CTSO: variants seen among roughly 807,000 people sequenced by gnomAD.
CTSO encodes cathepsin O.
CTSO carries 40 observed loss-of-function variants against 42.4 expected under a neutral mutation model. The observed-to-expected ratio is 0.94, with a 90% CI of 0.73 to 1.23. The LOEUF is 1.23. Among genes scored for constraint, CTSO ranks in the 50% most tolerant of loss-of-function variants. The pLI, the probability that CTSO is intolerant of heterozygous loss-of-function variation, is 0.00. For missense variants in CTSO, 441 were observed against 396.0 expected (o/e 1.11, Z -0.96); for synonymous variants, 156 against 146.2 (o/e 1.07, Z -0.48).
intron 7 of CTSO, among the ~76,000 whole-genome samples, chr4:155,927,454 T>C (rs1167540993): frequency 6.6e-6 from 1 of 152,134 alleles, no homozygotes; most frequent in Admixed American, 6.6e-5. Context: ...CTATTTTAGT[T>C]TGGTTGGTGG....
At chr4:155,928,214 C>A in intron 7 of CTSO, 122 bp downstream of exon 7, 2 of 522,390 alleles carry the variant, frequency 3.8e-6, no homozygotes, top group Non-Finnish European at 3.1e-6. Context: ...TTTTTTTTAT[C>A]ATTTGGTTAA....
At chr4:155,932,148 G>A (rs909147242) in intron 5 of CTSO, among the ~76,000 whole-genome samples, 1 of 152,098 alleles carries the variant, frequency 6.6e-6, no homozygotes, top group South Asian at 2.1e-4. Context: ...AGAACCCTGG[G>A]TGGGAATGGT....
intron 1 of CTSO, among the ~76,000 whole-genome samples, chr4:155,948,182 A>C (rs1322624746): frequency 6.6e-6 from 1 of 152,200 alleles, no homozygotes. Context: ...TATCCTGATT[A>C]TAAAACTAGG....
At chr4:155,933,118 G>A (rs1269458123) in intron 5 of CTSO, among the ~76,000 whole-genome samples, 2 of 152,034 alleles carry the variant, frequency 1.3e-5, no homozygotes, top group Non-Finnish European at 2.9e-5. Flanking sequence ...CCCCATCCAA[G>A]TCTCAAATTG....
chr4:155,929,012 G>A (rs903936680), intron 6 of CTSO, among the ~76,000 whole-genome samples: 3 of 152,178 alleles, frequency 2.0e-5, no homozygotes, highest in Non-Finnish European at 4.4e-5. Flanking sequence ...ACCGGAATTA[G>A]GGCAAGGAAC....
chr4:155,949,919 A>G (rs1743616399), intron 1 of CTSO, among the ~76,000 whole-genome samples: 1 of 152,202 alleles, frequency 6.6e-6, no homozygotes, highest in Non-Finnish European at 1.5e-5. Context: ...ATGAAGAGGA[A>G]GGTCCCCCAC....
At position 155,942,456 on chromosome 4, in the gene CTSO, G is replaced by A; in HGVS notation, c.245C>T (p.Ala82Val). ...FSYLFPEEFK[A>V]IYLRSKPSKF... The stretch of plus-strand genomic sequence containing the variant: ...GGAAGGTTTGCTTCTTAAATAAATG[G>A]CTGAGTAGAAACATAAAATGAAAAT... Residue 82 changes from alanine to valine, a missense_variant and splice_region_variant, in exon 3 of 8, where the codon GCC (alanine) becomes GTC (valine). Coordinates refer to ENST00000433477, the MANE Select transcript of CTSO (RefSeq NM_001334.3). 6.7e-7 allele frequency: 1 copy of A among 1,502,164 alleles called. No individual in the cohort carries two copies. Among genetic ancestry groups the A allele is most frequent in the Non-Finnish European group, 8.9e-7 (1 of 1,123,450 alleles). 93.1% of individuals were successfully genotyped at this position (1,502,164 alleles called of 1,614,324 possible).
chr4:155,949,222 T>C (rs946855013), intron 1 of CTSO, among the ~76,000 whole-genome samples: 4 of 152,352 alleles, frequency 2.6e-5, no homozygotes, highest in African/African-American at 4.8e-5. Context: ...GAGAAACAGA[T>C]ACATGATTTG....
chr4:155,938,742 T>C (rs1411471640), intron 4 of CTSO, among the ~76,000 whole-genome samples: 2 of 152,022 alleles, frequency 1.3e-5, no homozygotes, highest in Admixed American at 6.6e-5. Flanking sequence ...CTGGCCAATA[T>C]GGTGAAACCA....
In CTSO at chr4:155,933,259, C is replaced by A. The variant is rs189677569; in HGVS notation, c.675-3554G>T. On this transcript the variant is annotated intron_variant, in intron 5 of 7. Transcript: ENST00000433477. ...GTCTCATGAGATCTGATGATTTTAT[C>A]AGGGGTTTCCACTTCTCCTTCTTCC... Among the ~76,000 whole-genome samples, 23 of 152,222 alleles carry A rather than the reference C, an allele frequency of 1.5e-4. No homozygotes were observed. In the East Asian group the frequency reaches 3.3e-3, roughly 22 times the overall value.
At chr4:155,934,524 A>G (rs1743295503) in intron 5 of CTSO, among the ~76,000 whole-genome samples, 1 of 152,200 alleles carries the variant, frequency 6.6e-6, no homozygotes, top group Non-Finnish European at 1.5e-5. Flanking sequence ...ACAGACACTC[A>G]ATGCCAGACC....
intron 4 of CTSO, 90 bp from the exon 5 acceptor site, chr4:155,937,573 T>A (rs1035622333): frequency 7.1e-6 from 8 of 1,134,682 alleles, no homozygotes; most frequent in Non-Finnish European, 1.0e-5. Context: ...CAGGTTCAAT[T>A]TCACACACCT....
At chr4:155,928,998 G>C (rs1384804568) in intron 6 of CTSO, among the ~76,000 whole-genome samples, 1 of 152,134 alleles carries the variant, frequency 6.6e-6, no homozygotes, top group East Asian at 1.9e-4. Context: ...AAGGTTGTGG[G>C]TTTACCGGAA....
chr4:155,948,994 C>T (rs1178917555), intron 1 of CTSO, among the ~76,000 whole-genome samples: 1 of 152,196 alleles, frequency 6.6e-6, no homozygotes, highest in Non-Finnish European at 1.5e-5. Context: ...ATGTACTCAA[C>T]TGTTTCTAAA....
At chr4:155,939,674 T>C (rs1303017779) in intron 3 of CTSO, 136 bp from the exon 4 acceptor site, 4 of 657,248 alleles carry the variant, frequency 6.1e-6, no homozygotes, top group Non-Finnish European at 9.5e-6. Context: ...GCCTATCCTC[T>C]AGATTTTTAA....
intron 1 of CTSO, among the ~76,000 whole-genome samples, chr4:155,949,301 C>G (rs771932984): frequency 1.3e-5 from 2 of 152,142 alleles, no homozygotes; most frequent in Non-Finnish European, 2.9e-5. Context: ...TCTACTGAAG[C>G]GTTATAAACT....
At chr4:155,944,080 C>T (rs1743491690) in intron 1 of CTSO, among the ~76,000 whole-genome samples, 1 of 152,136 alleles carries the variant, frequency 6.6e-6, no homozygotes, top group African/African-American at 2.4e-5. Context: ...GTATCAAAAA[C>T]CTATAAGCAA....
In CTSO at chr4:155,939,374, G is replaced by A; in HGVS notation, c.549C>T (p.Asn183=). ...AAGAGGTTGAGAGACTAGTCACCTT[G>A]TTTAACCAGTTCAAAGCATTGAGAG... ...GSTLNALNWL[N]KMQVKLVKDS... is the part of the protein sequence containing the mutation. The change falls in exon 4 of 8, where the codon AAC becomes AAT. Residue 183 remains asparagine (N), a synonymous_variant. Coordinates refer to ENST00000433477, the MANE Select transcript of CTSO (RefSeq NM_001334.3). 6.2e-7 allele frequency: 1 copy of A among 1,606,856 alleles called. No homozygotes were observed. Among genetic ancestry groups the A allele is most frequent in the South Asian group, 1.1e-5 (1 of 90,132 alleles).
At chr4:155,949,830 A>G (rs1017629529) in intron 1 of CTSO, among the ~76,000 whole-genome samples, 2 of 152,176 alleles carry the variant, frequency 1.3e-5, no homozygotes, top group African/African-American at 4.8e-5. Flanking sequence ...CTCATTTGTC[A>G]TACTGGGGAT....
Sources: gnomAD v4.1 joint callset for allele counts (sites outside exome capture counted in the v4.1 genomes callset) on GRCh38, gnomAD v4.1.1 for gene constraint, MANE v1.5 for transcripts, NCBI Gene and HGNC (gene_info 2026-07-23, HGNC 2026-07-21) for gene names.